The following PTPRN2 variants were observed in gnomAD, a reference collection of about 807,000 sequenced individuals.
The protein encoded by PTPRN2 is protein tyrosine phosphatase receptor type N2.
PTPRN2 carries 74 observed loss-of-function variants against 118.8 expected under a neutral mutation model. The observed-to-expected ratio is 0.62, with a 90% CI of 0.52 to 0.76. The LOEUF (loss-of-function observed/expected upper bound fraction) is 0.76, where lower values mean the gene tolerates loss of function less well. Ranked by LOEUF, PTPRN2 falls within the 30% of genes least tolerant of loss-of-function variation. The pLI, the probability that PTPRN2 is intolerant of heterozygous loss-of-function variation, is 0.00. For synonymous variants in PTPRN2, 641 were observed against 608.0 expected (o/e 1.05, Z -0.80); for missense variants, 1,481 against 1,394.4 (o/e 1.06, Z -0.99).
At chr7:158,033,534 G>C (rs1049170802) in intron 11 of PTPRN2, among the ~76,000 whole-genome samples, 36 of 152,318 alleles carry the variant, frequency 2.4e-4, no homozygotes, top group Non-Finnish European at 5.1e-4. Flanking sequence ...ACAATGTGAT[G>C]GGTGAGTGGG....
chr7:157,754,232 T>C (rs971283755), intron 12 of PTPRN2, among the ~76,000 whole-genome samples: 4 of 152,190 alleles, frequency 2.6e-5, no homozygotes, highest in African/African-American at 9.7e-5. Context: ...GGAGGCTGAG[T>C]CCGTGTGGGG....
chr7:157,914,106 T>C (rs760333969), intron 11 of PTPRN2, among the ~76,000 whole-genome samples: 4 of 152,256 alleles, frequency 2.6e-5, no homozygotes, highest in East Asian at 3.8e-4. Context: ...AAAGCATCTA[T>C]ATTAGCATTC....
chr7:158,057,649 C>T (rs1272659722), intron 11 of PTPRN2, among the ~76,000 whole-genome samples: 1 of 152,152 alleles, frequency 6.6e-6, no homozygotes, highest in African/African-American at 2.4e-5. Flanking sequence ...GCATGGAGGA[C>T]CCCAGAGAGC....
intron 3 of PTPRN2, among the ~76,000 whole-genome samples, chr7:158,242,418 A>G (rs960107089): frequency 2.0e-5 from 3 of 152,234 alleles, no homozygotes; most frequent in African/African-American, 7.2e-5. Context: ...AGTGGCCAAG[A>G]GTGAGGGAGG....
chr7:157,956,797 C>T (rs68117991), intron 11 of PTPRN2, among the ~76,000 whole-genome samples: 19,513 of 152,286 alleles, frequency 0.13, 1,367 homozygotes, highest in Non-Finnish European at 0.15. Flanking sequence ...GAAGGCCTGA[C>T]TGCTTTTGGT....
At chr7:158,059,065 T>G (rs1433118223) in intron 11 of PTPRN2, among the ~76,000 whole-genome samples, 1 of 128,176 alleles carries the variant, frequency 7.8e-6, no homozygotes, top group Non-Finnish European at 1.6e-5. Context: ...CTGCCCACGG[T>G]GACACATCAC....
intron 2 of PTPRN2, among the ~76,000 whole-genome samples, chr7:158,323,242 C>T (rs879434741): frequency 6.6e-6 from 1 of 152,212 alleles, no homozygotes; most frequent in Non-Finnish European, 1.5e-5. Context: ...TGGGGGGCCT[C>T]ACACCCCCAG....
chr7:157,864,641 T>C (rs564815725), intron 12 of PTPRN2: 1 of 152,336 alleles, frequency 6.6e-6, no homozygotes, highest in Non-Finnish European at 1.5e-5. Flanking sequence ...CGGGGCTGTG[T>C]GTGGTATGCA....
chr7:157,700,874 G>A (rs1392020490), intron 12 of PTPRN2, among the ~76,000 whole-genome samples: 2 of 152,216 alleles, frequency 1.3e-5, no homozygotes, highest in Non-Finnish European at 2.9e-5. Context: ...CTGGCTCAGC[G>A]GTGGGCTCGG....
chr7:157,684,450 G>A (rs1164917843), intron 12 of PTPRN2, among the ~76,000 whole-genome samples: 2 of 149,768 alleles, frequency 1.3e-5, no homozygotes, highest in Non-Finnish European at 3.0e-5. Context: ...GCAGGGAGCC[G>A]GGAGAGGGAG....
chr7:157,954,624 T>C (rs1322083962), intron 11 of PTPRN2, among the ~76,000 whole-genome samples: 1 of 152,000 alleles, frequency 6.6e-6, no homozygotes, highest in African/African-American at 2.4e-5. Context: ...TTGTGGTGCC[T>C]GTGTGAGAGG....
At chr7:158,334,619 C>T (rs866827624) in intron 2 of PTPRN2, among the ~76,000 whole-genome samples, 21 of 100,792 alleles carry the variant, frequency 2.1e-4, no homozygotes, top group African/African-American at 3.7e-4. Flanking sequence ...AGCCGACGCC[C>T]GCAGACGTCA....
In PTPRN2 at chr7:157,615,721, G is replaced by T. The variant is rs1802728405; in HGVS notation, c.2344+5641C>A. 2 of 414,824 alleles carry T rather than the reference G, an allele frequency of 4.8e-6. No individual in the cohort carries two copies. Among genetic ancestry groups the T allele is most frequent in the Non-Finnish European group, 5.0e-6 (1 of 199,612 alleles). 25.7% of individuals were successfully genotyped at this position (414,824 alleles called of 1,614,324 possible). A position where few individuals can be genotyped will look rare whatever the true frequency, so the allele number is the denominator to read the frequency against. On this transcript the variant is annotated intron_variant, in intron 15 of 22. Coordinates refer to ENST00000389418, the MANE Select transcript of PTPRN2 (RefSeq NM_002847.5). The surrounding 1 kb of genome is among the most constrained non-coding windows in gnomAD (Gnocchi z 4.3). Reference sequence around the variant, plus strand: ...GCCGAGCTGAGAGGGAGGTGACGCAGTGACTCAGGAACCACAAGCTCTGGA... The same window carrying T: ...GCCGAGCTGAGAGGGAGGTGACGCATTGACTCAGGAACCACAAGCTCTGGA...
At chr7:158,018,688 C>G (rs2128874068) in intron 11 of PTPRN2, among the ~76,000 whole-genome samples, 1 of 152,244 alleles carries the variant, frequency 6.6e-6, no homozygotes, top group South Asian at 2.1e-4. Flanking sequence ...AGGCCAGGCA[C>G]AGTGGCTCAC....
Position 157,947,002 on chromosome 7 carries a change from C to G in PTPRN2, c.1724-48265G>C, listed in dbSNP as rs1277332268. On this transcript the variant is annotated intron_variant, in intron 11 of 22. Transcript: ENST00000389418. ...TGAAGAGGTGAACTCCTGAGCAGCC[C>G]TGGCCTGCCCTGGGTGTGGGCTAGT... is the stretch of plus-strand genomic sequence containing the variant. Among the ~76,000 whole-genome samples, 4 of 152,318 alleles carry G rather than the reference C, an allele frequency of 2.6e-5. No homozygotes were observed. The East Asian group carries it at 7.7e-4, about 29-fold the overall frequency.
chr7:157,952,791 G>A (rs545410291), intron 11 of PTPRN2, among the ~76,000 whole-genome samples: 49 of 152,232 alleles, frequency 3.2e-4, no homozygotes, highest in African/African-American at 1.1e-3. Context: ...TAAAGGTGAT[G>A]CTCAAACCCA....
At chr7:157,866,913 C>T (rs1810726772) in intron 12 of PTPRN2, among the ~76,000 whole-genome samples, 1 of 124,202 alleles carries the variant, frequency 8.1e-6, no homozygotes, top group Non-Finnish European at 1.7e-5. Context: ...CCCCCGACGC[C>T]CTGGATACAC....
At position 158,480,132 on chromosome 7, in the gene PTPRN2, G is replaced by A. The variant is rs536515855; in HGVS notation, c.163+9603C>T. Among the ~76,000 whole-genome samples, 22 of 152,332 alleles carry A rather than the reference G, an allele frequency of 1.4e-4. No individual in the cohort carries two copies. In the South Asian group the frequency reaches 3.3e-3, roughly 23 times the overall value. ...ACGTTCCAGCTTTGTTCCACGTCGC[G>A]GGGGTTGCGTCTCACCCTGAAGCCT... On this transcript the variant is annotated intron_variant, in intron 2 of 22. Transcript: ENST00000389418.
At chr7:158,291,378 AAC>A (rs1353205391) in intron 3 of PTPRN2, among the ~76,000 whole-genome samples, 2 of 152,236 alleles carry the variant, frequency 1.3e-5, no homozygotes, top group African/African-American at 2.4e-5. Flanking sequence ...GATCTGGAGA[AAC>A]AATAGGGATA....
Sources: gnomAD v4.1 joint callset for allele counts (sites outside exome capture counted in the v4.1 genomes callset) on GRCh38, gnomAD v4.1.1 for gene constraint, Gnocchi (gnomAD v3.1) non-coding constraint, MANE v1.5 for transcripts, NCBI Gene and HGNC (gene_info 2026-07-23, HGNC 2026-07-21) for gene names.